PCDH9: variants seen among roughly 807,000 people sequenced by gnomAD.
PCDH9 encodes protocadherin-9.
Under a neutral mutation model 70.6 loss-of-function variants are expected in PCDH9, and 24 were observed. The observed-to-expected ratio is 0.34, with a 90% CI of 0.25 to 0.48. The LOEUF (loss-of-function observed/expected upper bound fraction) is 0.48. PCDH9 is among the 20% of genes least tolerant of loss of function. PCDH9 has a pLI of 0.99. For synonymous variants in PCDH9, 562 were observed against 558.5 expected, an observed-to-expected ratio of 1.01 and a Z score of -0.09; for missense variants, 1,281 against 1,503.6, an observed-to-expected ratio of 0.85 and a Z score of 2.45.
At chr13:66,798,666 AAT>A (rs1175551962) in intron 3 of PCDH9, among the ~76,000 whole-genome samples, 1 of 152,176 alleles carries the variant, frequency 6.6e-6, no homozygotes, top group Non-Finnish European at 1.5e-5. Context: ...TCGCCTTCCC[AAT>A]ATCAAACATC....
chr13:67,108,359 C>T (rs547536643), intron 2 of PCDH9, among the ~76,000 whole-genome samples: 1 of 152,200 alleles, frequency 6.6e-6, no homozygotes, highest in African/African-American at 2.4e-5. Context: ...ATTAAAATAG[C>T]TAAAAGTAAC....
chr13:66,581,895 C>T (rs1052945642), intron 4 of PCDH9, among the ~76,000 whole-genome samples: 1 of 152,160 alleles, frequency 6.6e-6, no homozygotes, highest in Non-Finnish European at 1.5e-5. Flanking sequence ...AAATGTACCT[C>T]ATCTAGTCAG....
chr13:66,497,301 T>C (rs987781561), intron 4 of PCDH9, among the ~76,000 whole-genome samples: 1 of 152,136 alleles, frequency 6.6e-6, no homozygotes, highest in African/African-American at 2.4e-5. Context: ...TTCAAACTTC[T>C]GAGCTCAAGC....
At chr13:66,749,264 G>T (rs2079420590) in intron 3 of PCDH9, among the ~76,000 whole-genome samples, 1 of 152,152 alleles carries the variant, frequency 6.6e-6, no homozygotes, top group Admixed American at 6.6e-5. Context: ...ATATACAACA[G>T]TGACTTTACC....
At chr13:66,411,322 A>G (rs577024415) in intron 4 of PCDH9, among the ~76,000 whole-genome samples, 1 of 152,314 alleles carries the variant, frequency 6.6e-6, no homozygotes, top group Admixed American at 6.5e-5. Flanking sequence ...GATTTTGAAG[A>G]GTTGTCCAGG....
At chr13:66,913,758 G>A (rs1465684402) in intron 2 of PCDH9, among the ~76,000 whole-genome samples, 2 of 152,032 alleles carry the variant, frequency 1.3e-5, no homozygotes, top group African/African-American at 2.4e-5. Flanking sequence ...TAAATGCTTC[G>A]TTGTTAAAGG....
intron 2 of PCDH9, among the ~76,000 whole-genome samples, chr13:67,165,596 C>A (rs1296565051): frequency 1.3e-5 from 2 of 151,538 alleles, no homozygotes; most frequent in African/African-American, 2.4e-5. Context: ...CATTTTAATT[C>A]TATCTTTTAT....
rs138415168 is a variant in PCDH9, at chr13:66,944,002, T to C, written c.3037-40397A>G. Among the ~76,000 whole-genome samples, 253 of 151,844 alleles carry C rather than the reference T, an allele frequency of 1.7e-3. 3 individuals carry two copies. Among genetic ancestry groups the C allele is most frequent in the African/African-American group, 5.7e-3 (235 of 41,192 alleles). On this transcript the variant is annotated intron_variant, in intron 2 of 4. Coordinates refer to ENST00000377865, the MANE Select transcript of PCDH9 (RefSeq NM_203487.3). ...TCTCAGTGGCAGATTTGAATAATAATGTTTATATGTCTATAACTTAACACT... is the reference window on the plus strand; with the variant it reads ...TCTCAGTGGCAGATTTGAATAATAACGTTTATATGTCTATAACTTAACACT...
At chr13:66,933,534 T>C (rs149423892) in intron 2 of PCDH9, among the ~76,000 whole-genome samples, 1 of 152,328 alleles carries the variant, frequency 6.6e-6, no homozygotes, top group East Asian at 1.9e-4. Context: ...GCAGATTTAT[T>C]AGACCCCAGT....
intron 3 of PCDH9, among the ~76,000 whole-genome samples, chr13:66,869,437 CA>C (rs1748302739): frequency 6.6e-6 from 1 of 151,698 alleles, no homozygotes; most frequent in South Asian, 2.1e-4. Context: ...GAAGAGAGGT[CA>C]AAAAAATTTC....
At chr13:66,822,693 T>C (rs1180927322) in intron 3 of PCDH9, among the ~76,000 whole-genome samples, 1 of 151,888 alleles carries the variant, frequency 6.6e-6, no homozygotes, top group African/African-American at 2.4e-5. Context: ...GCCTGGCTAA[T>C]TTTTGTATTT....
chr13:66,826,184 C>T lies in PCDH9; in HGVS notation c.3138+77320G>A, dbSNP rs535637985. On this transcript the variant is annotated intron_variant, in intron 3 of 4. Coordinates refer to ENST00000377865, the MANE Select transcript of PCDH9 (RefSeq NM_203487.3). ...TTCAAAAACTTAAAGAAGTCACTCC[C>T]TGTGCCTGTATCCACCTCAGAGTCA... Among the ~76,000 whole-genome samples, 6 of 152,242 alleles carry T rather than the reference C, an allele frequency of 3.9e-5. No individual in the cohort carries two copies. In the East Asian group the frequency reaches 1.2e-3, roughly 29 times the overall value.
At position 66,361,792 on chromosome 13, in the gene PCDH9, C is replaced by G. The variant is rs191351043; in HGVS notation, c.3341-56764G>C. ...AAAGCGGTATATGTTATATAACAAG[C>G]TTATTAAAAATGCATAGGTTTATCT... On this transcript the variant is annotated intron_variant, in intron 4 of 4. Transcript: ENST00000377865. Among the ~76,000 whole-genome samples the G allele has an allele frequency of 5.2e-3, 790 of 152,206 alleles. 4 individuals are homozygous for G. Among genetic ancestry groups the G allele is most frequent in the Non-Finnish European group, 8.0e-3 (545 of 67,992 alleles).
At chr13:66,894,916 T>C (rs1319001239) in intron 3 of PCDH9, among the ~76,000 whole-genome samples, 2 of 152,100 alleles carry the variant, frequency 1.3e-5, no homozygotes, top group Admixed American at 6.6e-5. Context: ...CAAGTGATTC[T>C]AGTGCCTCAG....
chr13:66,609,453 T>C (rs1438143052), intron 4 of PCDH9, among the ~76,000 whole-genome samples: 2 of 152,178 alleles, frequency 1.3e-5, no homozygotes, highest in African/African-American at 4.8e-5. Flanking sequence ...CTCAAATGTC[T>C]ACTACTGTAA....
Position 67,228,129 on chromosome 13 carries a change from A to T in PCDH9, c.312T>A (p.Ala104=). Residue 104 remains alanine (A), a synonymous_variant, in exon 2 of 5, where the codon GCT becomes GCA. Transcript: ENST00000377865. ...GTTCAAAGAAACACTCATTCTCCTC[A>T]GCATATGAGGCGCCAGCACAGAGTT... The part of the protein sequence containing the change: ...REKLCAGASY[A]EENECFFELE... The T allele has an allele frequency of 5.0e-6, 8 of 1,614,156 alleles. No homozygotes were observed. The highest frequency in any genetic ancestry group is 6.8e-6 in the Non-Finnish European group (8 of 1,180,002).
chr13:66,480,050 C>T (rs139031002), intron 4 of PCDH9, among the ~76,000 whole-genome samples: 2,781 of 152,280 alleles, frequency 0.018, 71 homozygotes, highest in African/African-American at 0.062. Context: ...CGAAGGTCCA[C>T]AGCTTCATTC....
chr13:66,488,525 G>T (rs908985634), intron 4 of PCDH9, among the ~76,000 whole-genome samples: 1 of 151,974 alleles, frequency 6.6e-6, no homozygotes, highest in African/African-American at 2.4e-5. Flanking sequence ...TAATTATGTG[G>T]CACAAGTATA....
chr13:67,222,327 C>T (rs975103275), intron 2 of PCDH9: 3 of 144,564 alleles, frequency 2.1e-5, no homozygotes, highest in Non-Finnish European at 4.5e-5. Flanking sequence ...AAAGGCTAAT[C>T]GCACTTCCAA....
Sources: allele counts gnomAD v4.1 joint callset (sites outside exome capture counted in the v4.1 genomes callset), GRCh38; gene constraint gnomAD v4.1.1; transcripts MANE v1.5; gene names NCBI Gene and HGNC (gene_info 2026-07-23, HGNC 2026-07-21).